The following GATAD1 variants were observed in gnomAD, a reference collection of about 807,000 sequenced individuals.
GATAD1 encodes the protein GATA zinc finger domain containing 1, also known as GATA zinc finger domain-containing protein 1.
Under a neutral mutation model 26.5 loss-of-function variants are expected in GATAD1, and 12 were observed. The observed-to-expected ratio is 0.45, with a 90% CI of 0.29 to 0.73. GATAD1 has a LOEUF of 0.73. GATAD1 is among the 30% of genes least tolerant of loss of function. The pLI is 0.10. For missense variants in GATAD1, 266 were observed against 342.1 expected (o/e 0.78, Z 1.75); for synonymous variants, 129 against 133.1 (o/e 0.97, Z 0.21).
the GATAD1 span, among the ~76,000 whole-genome samples, chr7:92,473,871 C>T: frequency 1.3e-5 from 2 of 152,024 alleles, no homozygotes; most frequent in African/African-American, 4.8e-5. Flanking sequence ...TGGCGCTTGC[C>T]CCAGGCACCC....
At chr7:92,491,457 C>T in the GATAD1 span, 1 of 1,613,482 alleles carries the variant, frequency 6.2e-7, no homozygotes, top group Non-Finnish European at 8.5e-7. Flanking sequence ...TTAAGAAAGA[C>T]CATTGAAGAC....
chr7:92,483,882 G>C, the GATAD1 span, among the ~76,000 whole-genome samples: 2 of 152,132 alleles, frequency 1.3e-5, no homozygotes, highest in African/African-American at 4.8e-5. Context: ...GAGCAGCCTG[G>C]GGAGGAGGGG....
chr7:92,490,766 G>A, the GATAD1 span, among the ~76,000 whole-genome samples: 1 of 151,868 alleles, frequency 6.6e-6, no homozygotes, highest in Non-Finnish European at 1.5e-5. Context: ...TTAATTTTTA[G>A]AAGAGATGTT....
chr7:92,491,628 C>T, the GATAD1 span: 3 of 658,088 alleles, frequency 4.6e-6, no homozygotes, highest in South Asian at 5.3e-5. Context: ...TCAAAGAGCT[C>T]ATTAATTCTC....
the GATAD1 span, among the ~76,000 whole-genome samples, chr7:92,479,135 C>T: frequency 1.3e-5 from 2 of 152,164 alleles, no homozygotes; most frequent in Non-Finnish European, 2.9e-5. Context: ...CCTCTTCCTT[C>T]TTTTTTGCGT....
At chr7:92,494,421 T>A in the GATAD1 span, 3 of 1,612,446 alleles carry the variant, frequency 1.9e-6, no homozygotes, top group Admixed American at 3.3e-5. Flanking sequence ...AACATTTTTT[T>A]ACCAAAATCT....
the GATAD1 span, chr7:92,470,718 T>G: frequency 5.1e-6 from 1 of 197,616 alleles, no homozygotes; most frequent in African/African-American, 2.4e-5. Flanking sequence ...TTTTAAGAAC[T>G]TGTTGATATT....
chr7:92,456,669 T>C lies in GATAD1; in HGVS notation c.*107T>C, dbSNP rs988996607. 4 of 635,252 alleles carry C rather than the reference T, an allele frequency of 6.3e-6. No homozygotes were observed. Among genetic ancestry groups the C allele is most frequent in the Non-Finnish European group, 1.1e-5 (4 of 377,606 alleles). 39.4% of individuals were successfully genotyped at this position (635,252 alleles called of 1,614,324 possible). On this transcript the variant is annotated 3_prime_UTR_variant, in exon 5 of 5. Coordinates refer to ENST00000287957, the MANE Select transcript of GATAD1 (RefSeq NM_021167.5). ...GCTGGGCAATGGAGTCAGATTCTCT[T>C]TCTTAAAAAACCACAAAAAAACTGG...
the GATAD1 span, among the ~76,000 whole-genome samples, chr7:92,490,673 T>G: frequency 7.5e-6 from 1 of 133,692 alleles, no homozygotes; most frequent in Non-Finnish European, 1.6e-5. Context: ...ATAAAGCAAA[T>G]GTACAAAAAA....
chr7:92,468,569 G>A, the GATAD1 span: 74 of 460,714 alleles, frequency 1.6e-4, no homozygotes, highest in Middle Eastern at 4.0e-3. Flanking sequence ...TGCCTAATTA[G>A]CATTTTAGTG....
the GATAD1 span, among the ~76,000 whole-genome samples, chr7:92,465,858 C>T: frequency 2.6e-5 from 4 of 151,418 alleles, no homozygotes; most frequent in African/African-American, 9.7e-5. Context: ...AAAATTAGCC[C>T]GGCGTGGTGG....
At chr7:92,494,567 C>T in the GATAD1 span, 46 of 1,613,738 alleles carry the variant, frequency 2.9e-5, no homozygotes, top group Non-Finnish European at 3.6e-5. Context: ...ATCATGACCC[C>T]GCCGAGGAGC....
At chr7:92,490,632 C>CAAAAA in the GATAD1 span, among the ~76,000 whole-genome samples, 18 of 79,618 alleles carry the variant, frequency 2.3e-4, no homozygotes, top group African/African-American at 7.4e-4. Flanking sequence ...GAGACTGTCT[C>CAAAAA]AAAAAAAAAA....
In GATAD1 at chr7:92,458,255, A is replaced by T. The variant is rs1291859108; in HGVS notation, c.*1693A>T. ...GTTTCTAGTCAAAAATGAGACTTCGATCAAACCATAAGATTTTATACTGCA... is the reference window on the plus strand; with the variant it reads ...GTTTCTAGTCAAAAATGAGACTTCGTTCAAACCATAAGATTTTATACTGCA... On this transcript the variant is annotated 3_prime_UTR_variant, in exon 5 of 5. Transcript: ENST00000287957. 6.6e-6 allele frequency: 1 copy of T among 152,234 alleles called. No individual in the cohort carries two copies. Among genetic ancestry groups the T allele is most frequent in the East Asian group, 1.9e-4 (1 of 5,202 alleles). The allele number at this position is 152,234 out of a possible 1,614,324, so 9.4% of individuals were successfully genotyped here. A position where few individuals can be genotyped will look rare whatever the true frequency, so the allele number is the denominator to read the frequency against.
chr7:92,472,778 G>A, the GATAD1 span: 2 of 152,218 alleles, frequency 1.3e-5, no homozygotes, highest in Non-Finnish European at 2.9e-5. Flanking sequence ...GTTCCTCACT[G>A]AGGGCCCTGG....
intron 4 of GATAD1, 124 bp from the exon 5 acceptor site, chr7:92,456,248 T>C: frequency 1.8e-6 from 1 of 562,394 alleles, no homozygotes; most frequent in Non-Finnish European, 3.1e-6. Flanking sequence ...TAATGCATGT[T>C]TCAAGGGCTA....
At chr7:92,460,508 A>G (rs1035813555), downstream of GATAD1, among the ~76,000 whole-genome samples, 1 of 152,164 alleles carries the variant, frequency 6.6e-6, no homozygotes, top group Admixed American at 6.5e-5. Context: ...TTATTTAAGC[A>G]CCTCTTAATG....
Position 92,449,594 on chromosome 7 carries a change from C to T in GATAD1, c.375+717C>T, listed in dbSNP as rs1030796062. On this transcript the variant is annotated intron_variant, in intron 2 of 4. Coordinates refer to ENST00000287957, the MANE Select transcript of GATAD1 (RefSeq NM_021167.5). ...GGAATGTTTCACTTACCCGTAAAGA[C>T]GTTTCTGAAGTTGGCCATATTTATT... 2.3e-5 allele frequency: 23 copies of T among 979,686 alleles called. No individual in the cohort carries two copies. In the East Asian group the frequency reaches 9.1e-4, roughly 39 times the overall value. 60.7% of individuals were successfully genotyped at this position (979,686 alleles called of 1,614,324 possible). A position where few individuals can be genotyped will look rare whatever the true frequency, so the allele number is the denominator to read the frequency against.
At chr7:92,495,400 C>T in the GATAD1 span, among the ~76,000 whole-genome samples, 1 of 152,168 alleles carries the variant, frequency 6.6e-6, no homozygotes, top group Admixed American at 6.5e-5. Flanking sequence ...CCAGAATTAT[C>T]TGCTACTTGA....
Sources: gnomAD v4.1 joint callset for allele counts (sites outside exome capture counted in the v4.1 genomes callset) on GRCh38, gnomAD v4.1.1 for gene constraint, MANE v1.5 for transcripts, NCBI Gene and HGNC (gene_info 2026-07-23, HGNC 2026-07-21) for gene names.